Variants in TUSC3 observed in about 807,000 individuals in gnomAD.
The protein encoded by TUSC3 is dolichyl-diphosphooligosaccharide--protein glycosyltransferase subunit TUSC3.
In TUSC3, 45 loss-of-function variants were observed where a neutral mutation model predicts 44.8. The observed-to-expected ratio is 1.00, with a 90% CI of 0.79 to 1.29. The LOEUF (loss-of-function observed/expected upper bound fraction) is 1.29. TUSC3 is among the 50% of genes most tolerant of loss of function. TUSC3 has a pLI of 0.00. For synonymous variants in TUSC3, 212 were observed against 152.9 expected, an observed-to-expected ratio of 1.39 and a Z score of -2.85; for missense variants, 519 against 437.9, an observed-to-expected ratio of 1.19 and a Z score of -1.65.
chr8:15,450,992 C>A (rs1042830612), intron 1 of TUSC3, among the ~76,000 whole-genome samples: 78 of 152,194 alleles, frequency 5.1e-4, no homozygotes, highest in Middle Eastern at 3.4e-3. Context: ...CATGGTCAAT[C>A]CTGCCTGAGA....
chr8:15,497,144 G>A lies in TUSC3; in HGVS notation n.189+13661G>A, dbSNP rs575547853. On this transcript the variant is annotated intron_variant and non_coding_transcript_variant, in intron 2 of 5. Transcript: ENST00000503191. ...AGGAATAAAAGGTATGGTGGTTGTC[G>A]TTTCAAATTAATGGCGTATTCTTGG... is the stretch of plus-strand genomic sequence containing the variant. Among the ~76,000 whole-genome samples, 14 of 152,264 alleles carry A rather than the reference G, an allele frequency of 9.2e-5. No homozygotes were observed. In the South Asian group the frequency reaches 1.2e-3, roughly 14 times the overall value.
chr8:15,571,249 C>T (rs1200035065), intron 1 of TUSC3, among the ~76,000 whole-genome samples: 2 of 151,916 alleles, frequency 1.3e-5, no homozygotes, highest in Non-Finnish European at 2.9e-5. Flanking sequence ...CCGCTGCTAC[C>T]CACCGCTATT....
downstream of TUSC3, among the ~76,000 whole-genome samples, chr8:15,767,535 A>AG (rs1344081092): frequency 6.6e-6 from 1 of 152,134 alleles, no homozygotes; most frequent in African/African-American, 2.4e-5. Flanking sequence ...CTTAAATTAA[A>AG]AAAGCAACTG....
At position 15,540,293 on chromosome 8, in the gene TUSC3, C is replaced by G; in HGVS notation, c.-138C>G. ...CCTCCTCTGCGTCCTCGGCCGCGGC[C>G]CGGGTCCCTCGCAAAGCCGCTGCCA... On this transcript the variant is annotated 5_prime_UTR_variant, in exon 1 of 11. Coordinates refer to ENST00000503731, the MANE Select transcript of TUSC3 (RefSeq NM_006765.4). The G allele has an allele frequency of 4.0e-6, 5 of 1,244,658 alleles. No homozygotes were observed. Among genetic ancestry groups the G allele is most frequent in the Non-Finnish European group, 5.2e-6 (5 of 961,118 alleles). 77.1% of individuals were successfully genotyped at this position (1,244,658 alleles called of 1,614,324 possible). A position where few individuals can be genotyped will look rare whatever the true frequency, so the allele number is the denominator to read the frequency against.
intron 1 of TUSC3, among the ~76,000 whole-genome samples, chr8:15,582,324 C>T (rs1315337166): frequency 2.6e-5 from 4 of 152,082 alleles, no homozygotes; most frequent in Admixed American, 6.6e-5. Flanking sequence ...CAGCCATCTT[C>T]CTCTGCTTTT....
chr8:15,621,912 C>T (rs1037197644), intron 1 of TUSC3, among the ~76,000 whole-genome samples: 8 of 152,086 alleles, frequency 5.3e-5, no homozygotes, highest in African/African-American at 1.9e-4. Context: ...TCCCTTCCTC[C>T]CTTCCATTTC....
At chr8:15,612,715 T>C (rs1037784489) in intron 1 of TUSC3, among the ~76,000 whole-genome samples, 1 of 152,190 alleles carries the variant, frequency 6.6e-6, no homozygotes, top group Non-Finnish European at 1.5e-5. Flanking sequence ...CTAACCTTTG[T>C]TTTTTATAAA....
At chr8:15,828,480 C>T in the TUSC3 span, among the ~76,000 whole-genome samples, 3 of 152,288 alleles carry the variant, frequency 2.0e-5, no homozygotes, top group Admixed American at 6.5e-5. Context: ...ACAAGCCACT[C>T]TTACAACTTC....
chr8:15,476,973 C>T (rs1218460797), intron 1 of TUSC3, among the ~76,000 whole-genome samples: 1 of 152,150 alleles, frequency 6.6e-6, no homozygotes, highest in Non-Finnish European at 1.5e-5. Context: ...AGTTACACTT[C>T]TATGCACACG....
the TUSC3 span, among the ~76,000 whole-genome samples, chr8:15,835,530 A>C: frequency 1.3e-5 from 2 of 152,114 alleles, no homozygotes; most frequent in South Asian, 4.1e-4. Flanking sequence ...ATTTCTTTGA[A>C]GATTATAACT....
At chr8:15,476,527 G>C (rs376670665) in intron 1 of TUSC3, among the ~76,000 whole-genome samples, 1 of 152,162 alleles carries the variant, frequency 6.6e-6, no homozygotes, top group African/African-American at 2.4e-5. Context: ...ATTTACAAAG[G>C]AATTTATTCT....
the TUSC3 span, among the ~76,000 whole-genome samples, chr8:15,816,464 G>C: frequency 6.6e-6 from 1 of 152,110 alleles, no homozygotes; most frequent in Non-Finnish European, 1.5e-5. Context: ...TAAGAAAAAA[G>C]ATATTATGGG....
At chr8:15,824,747 G>A in the TUSC3 span, among the ~76,000 whole-genome samples, 432 of 152,170 alleles carry the variant, frequency 2.8e-3, 11 homozygotes, top group East Asian at 0.076. Context: ...AACTTAAAGT[G>A]TAATAAAAAA....
At chr8:15,850,544 T>C in the TUSC3 span, among the ~76,000 whole-genome samples, 3 of 152,310 alleles carry the variant, frequency 2.0e-5, no homozygotes, top group Non-Finnish European at 2.9e-5. Context: ...TATCACTTTG[T>C]GCAAATGTTC....
chr8:15,654,195 G>A (rs1445273062), intron 3 of TUSC3, among the ~76,000 whole-genome samples: 1 of 152,160 alleles, frequency 6.6e-6, no homozygotes, highest in East Asian at 1.9e-4. Context: ...TGTGGGGAGT[G>A]AGGAAGATGG....
intron 1 of TUSC3, among the ~76,000 whole-genome samples, chr8:15,427,787 T>C (rs1363752805): frequency 1.3e-5 from 2 of 152,126 alleles, no homozygotes; most frequent in Admixed American, 1.3e-4. Context: ...GTTACTTTTG[T>C]TGCCTGTGCT....
At chr8:15,810,458 G>A in the TUSC3 span, among the ~76,000 whole-genome samples, 1 of 151,974 alleles carries the variant, frequency 6.6e-6, no homozygotes, top group Non-Finnish European at 1.5e-5. Flanking sequence ...GGCAACATAG[G>A]GAGATGTACT....
At chr8:15,724,030 A>G (rs1206927033) in intron 6 of TUSC3, among the ~76,000 whole-genome samples, 1 of 152,128 alleles carries the variant, frequency 6.6e-6, no homozygotes, top group African/African-American at 2.4e-5. Context: ...GCAGGCAATT[A>G]ACTGTAAATA....
chr8:15,836,335 A>AAT, the TUSC3 span, among the ~76,000 whole-genome samples: 1 of 151,306 alleles, frequency 6.6e-6, no homozygotes, highest in Non-Finnish European at 1.5e-5. Context: ...AAAAAAAAAA[A>AAT]ATTGCGCTGG....
Sources: allele counts gnomAD v4.1 joint callset (sites outside exome capture counted in the v4.1 genomes callset), GRCh38; gene constraint gnomAD v4.1.1; transcripts MANE v1.5; gene names NCBI Gene and HGNC (gene_info 2026-07-23, HGNC 2026-07-21).